PLEKHB2: variants seen among roughly 807,000 people sequenced by gnomAD.
PLEKHB2 encodes pleckstrin homology domain containing B2, also known as pleckstrin homology domain-containing family B member 2.
In PLEKHB2, 31 loss-of-function variants were observed where a neutral mutation model predicts 36.5. That is an observed-to-expected ratio of 0.85 (90% CI 0.64 to 1.15). The LOEUF is 1.15. Among genes scored for constraint, PLEKHB2 ranks in the 50% most tolerant of loss-of-function variants. PLEKHB2 has a pLI of 0.00. For synonymous variants in PLEKHB2, 119 were observed against 112.0 expected (o/e 1.06, Z -0.39); for missense variants, 262 against 295.3 (o/e 0.89, Z 0.83).
At chr2:131,131,732 GTTACC>G (rs1573595008) in intron 5 of PLEKHB2, among the ~76,000 whole-genome samples, 1 of 147,248 alleles carries the variant, frequency 6.8e-6, no homozygotes, top group East Asian at 2.0e-4. Flanking sequence ...TACAGCCGCA[GTTACC>G]TTTTCTTCAT....
intron 6 of PLEKHB2, among the ~76,000 whole-genome samples, chr2:131,137,666 A>G (rs975455136): frequency 3.4e-4 from 52 of 152,192 alleles, no homozygotes; most frequent in African/African-American, 1.3e-3. Context: ...ATAGTTTACT[A>G]AAGGTTTTAT....
At position 131,125,387 on chromosome 2, in the gene PLEKHB2, G is replaced by A. The variant is rs746592845; in HGVS notation, c.38-366G>A. 6.6e-5 allele frequency among the ~76,000 whole-genome samples: 10 copies of A among 152,202 alleles called. No individual in the cohort carries two copies. The East Asian group carries it at 1.5e-3, about 23-fold the overall frequency. On this transcript the variant is annotated intron_variant, in intron 2 of 7. Coordinates refer to ENST00000693505, the MANE Select transcript of PLEKHB2 (RefSeq NM_001100623.2). ...GCAGCCTGTTAAAGCACCAGTTGGC[G>A]GGCCCTGTGCTCTGCTTTCCCTTTC...
chr2:131,125,399 C>G (rs1002496784), intron 2 of PLEKHB2, among the ~76,000 whole-genome samples: 1 of 152,224 alleles, frequency 6.6e-6, no homozygotes, highest in Non-Finnish European at 1.5e-5. Context: ...GCCCTGTGCT[C>G]TGCTTTCCCT....
chr2:131,128,087 C>G (rs996361225), intron 4 of PLEKHB2, among the ~76,000 whole-genome samples: 3 of 152,212 alleles, frequency 2.0e-5, no homozygotes, highest in African/African-American at 7.2e-5. Context: ...TCCTTCTCTT[C>G]TAGCCCTGTG....
At chr2:131,123,609 C>T (rs1269939549) in intron 2 of PLEKHB2, among the ~76,000 whole-genome samples, 2 of 152,102 alleles carry the variant, frequency 1.3e-5, no homozygotes, top group South Asian at 2.1e-4. Context: ...ACTGCAACCT[C>T]TGCCTCCTGG....
rs756102620 is a variant in PLEKHB2, at chr2:131,140,170, G to T, written c.427G>T (p.Ala143Ser). ...TAATGGGCCTGTTTCTTTTCAGCAG[G>T]CTTATGGCTATGGGCCATACGGTGG... is the stretch of plus-strand genomic sequence containing the variant. ...TAYAAPAPEQAYGYGPYGGAY... is the reference protein window; with the variant it reads ...TAYAAPAPEQSYGYGPYGGAY... The change falls in exon 7 of 8, where the codon GCT becomes TCT. Residue 143 changes from alanine (A) to serine (S), a missense_variant. Physicochemically the swap from Ala to Ser is moderately conservative, Grantham distance 99. Transcript: ENST00000693505. The T allele has an allele frequency of 3.7e-6, 6 of 1,600,036 alleles. No individual in the cohort carries two copies. The highest frequency in any genetic ancestry group is 5.1e-6 in the Non-Finnish European group (6 of 1,169,196).
intron 5 of PLEKHB2, among the ~76,000 whole-genome samples, chr2:131,132,053 C>T (rs1355313181): frequency 6.6e-6 from 1 of 152,068 alleles, no homozygotes; most frequent in Admixed American, 6.5e-5. Context: ...AGGCTGGTCT[C>T]AACTCCTGAC....
At chr2:131,127,355 C>T (rs1195426369) in intron 4 of PLEKHB2, among the ~76,000 whole-genome samples, 1 of 152,236 alleles carries the variant, frequency 6.6e-6, no homozygotes, top group Non-Finnish European at 1.5e-5. Context: ...CCTCTGTTGT[C>T]ACATGGCCTT....
At chr2:131,115,378 G>T (rs189335816) in intron 1 of PLEKHB2, among the ~76,000 whole-genome samples, 4 of 102,940 alleles carry the variant, frequency 3.9e-5, no homozygotes, top group South Asian at 3.4e-4. Flanking sequence ...TTTTTGAGAT[G>T]GAGTCTGGCT....
intron 1 of PLEKHB2, among the ~76,000 whole-genome samples, chr2:131,106,612 C>T (rs1694762874): frequency 6.6e-6 from 1 of 152,128 alleles, no homozygotes; most frequent in Admixed American, 6.5e-5. Flanking sequence ...AATTGTGGTG[C>T]TCAGGAGTGT....
intron 7 of PLEKHB2, 87 bp downstream of exon 7, chr2:131,140,362 T>G: frequency 3.0e-6 from 2 of 675,222 alleles, no homozygotes; most frequent in South Asian, 1.8e-5. Context: ...TTTTTCAGTT[T>G]AAGGTTACAT....
intron 6 of PLEKHB2, among the ~76,000 whole-genome samples, chr2:131,135,112 C>A (rs1197713059): frequency 6.6e-6 from 1 of 151,968 alleles, no homozygotes; most frequent in African/African-American, 2.4e-5. Context: ...TCTCTTATTG[C>A]CCAGGCTGGA....
intron 1 of PLEKHB2, chr2:131,107,473 AC>A: frequency 6.6e-6 from 1 of 152,306 alleles, no homozygotes; most frequent in African/African-American, 2.4e-5. Flanking sequence ...TGTACCTGTG[AC>A]ATCTCTTTGA....
intron 1 of PLEKHB2, among the ~76,000 whole-genome samples, chr2:131,118,252 A>G (rs1314531764): frequency 6.6e-6 from 1 of 152,178 alleles, no homozygotes; most frequent in African/African-American, 2.4e-5. Context: ...TGGGGATTGT[A>G]TGTTTGAGAA....
At chr2:131,105,879 C>T (rs1488966438) in intron 1 of PLEKHB2, among the ~76,000 whole-genome samples, 1 of 152,222 alleles carries the variant, frequency 6.6e-6, no homozygotes, top group Non-Finnish European at 1.5e-5. Flanking sequence ...CCGATCTCTA[C>T]CCCTGCTGCT....
At chr2:131,113,263 A>G (rs1695513138) in intron 1 of PLEKHB2, among the ~76,000 whole-genome samples, 1 of 151,952 alleles carries the variant, frequency 6.6e-6, no homozygotes, top group African/African-American at 2.4e-5. Flanking sequence ...TGTATGGATG[A>G]GGTTTCACCA....
chr2:131,142,868 CT>C (rs569228313), intron 7 of PLEKHB2, among the ~76,000 whole-genome samples: 2 of 152,020 alleles, frequency 1.3e-5, no homozygotes, highest in African/African-American at 4.8e-5. Context: ...GAATCTAGTT[CT>C]TTTTTTCTCC....
intron 7 of PLEKHB2, among the ~76,000 whole-genome samples, chr2:131,143,070 A>G (rs1167788938): frequency 2.0e-5 from 3 of 152,174 alleles, no homozygotes; most frequent in Non-Finnish European, 4.4e-5. Context: ...GATCTTCAAC[A>G]CTTGATTATA....
chr2:131,140,687 T>G (rs1698698016), intron 7 of PLEKHB2, among the ~76,000 whole-genome samples: 1 of 152,216 alleles, frequency 6.6e-6, no homozygotes, highest in Non-Finnish European at 1.5e-5. Context: ...CTGGAAGGGC[T>G]TGTATTTATT....
Sources: allele counts gnomAD v4.1 joint callset (sites outside exome capture counted in the v4.1 genomes callset), GRCh38; gene constraint gnomAD v4.1.1; transcripts MANE v1.5; gene names NCBI Gene and HGNC (gene_info 2026-07-23, HGNC 2026-07-21).